Variants in SLC44A5 observed in about 807,000 individuals in gnomAD.
SLC44A5 encodes choline transporter-like protein 5.
Under a neutral mutation model 101.8 loss-of-function variants are expected in SLC44A5, and 57 were observed. That is an observed-to-expected ratio of 0.56 (90% CI 0.45 to 0.70). The LOEUF is 0.70. SLC44A5 is among the 30% of genes least tolerant of loss of function. The pLI is 0.00. For missense variants in SLC44A5, 737 were observed against 853.1 expected (o/e 0.86, Z 1.70); for synonymous variants, 281 against 290.9 (o/e 0.97, Z 0.35).
intron 2 of SLC44A5, among the ~76,000 whole-genome samples, chr1:75,535,893 A>G (rs953520263): frequency 1.2e-4 from 18 of 152,126 alleles, no homozygotes; most frequent in Non-Finnish European, 2.5e-4. Context: ...TGGAAACCCT[A>G]TAAAACACTA....
At chr1:75,488,284 TC>T (rs1668258595) in intron 2 of SLC44A5, among the ~76,000 whole-genome samples, 1 of 152,110 alleles carries the variant, frequency 6.6e-6, no homozygotes, top group Non-Finnish European at 1.5e-5. Flanking sequence ...AAGAAACCAG[TC>T]CCTGGTACCA....
chr1:75,481,607 C>T (rs1667861532), intron 2 of SLC44A5, among the ~76,000 whole-genome samples: 1 of 151,936 alleles, frequency 6.6e-6, no homozygotes, highest in Admixed American at 6.6e-5. Context: ...CATGAACAGA[C>T]ACTTCTCAAA....
intron 2 of SLC44A5, among the ~76,000 whole-genome samples, chr1:75,474,194 C>T (rs1434029214): frequency 6.6e-6 from 1 of 152,166 alleles, no homozygotes; most frequent in East Asian, 1.9e-4. Flanking sequence ...AAAGAAGGAA[C>T]TTCTAAGAAT....
chr1:75,433,052 C>T (rs965086832), intron 2 of SLC44A5, among the ~76,000 whole-genome samples: 1 of 152,064 alleles, frequency 6.6e-6, no homozygotes, highest in African/African-American at 2.4e-5. Context: ...TCTCCCTCTG[C>T]ACTGCCTCTT....
At chr1:75,717,397 A>G in the SLC44A5 span, among the ~76,000 whole-genome samples, 1 of 151,974 alleles carries the variant, frequency 6.6e-6, no homozygotes, top group South Asian at 2.1e-4. Context: ...ACTCATAAGT[A>G]GGATCTGAAC....
intron 3 of SLC44A5, among the ~76,000 whole-genome samples, chr1:75,359,278 A>G (rs1659315920): frequency 7.5e-6 from 1 of 133,528 alleles, no homozygotes. Flanking sequence ...TCTGTCACTC[A>G]GGCTGGAGTA....
chr1:75,282,261 GC>G (rs1652666242), intron 5 of SLC44A5, among the ~76,000 whole-genome samples: 1 of 152,220 alleles, frequency 6.6e-6, no homozygotes, highest in Non-Finnish European at 1.5e-5. Context: ...CTTGCATGGG[GC>G]CTATAGCCCC....
intron 1 of SLC44A5, among the ~76,000 whole-genome samples, chr1:75,547,551 G>A (rs1190220528): frequency 6.6e-6 from 1 of 152,206 alleles, no homozygotes; most frequent in Non-Finnish European, 1.5e-5. Flanking sequence ...TCCTGGTCAA[G>A]AGAGAACATC....
At chr1:75,437,721 C>G (rs1005048107) in intron 2 of SLC44A5, among the ~76,000 whole-genome samples, 2 of 152,106 alleles carry the variant, frequency 1.3e-5, no homozygotes, top group African/African-American at 2.4e-5. Flanking sequence ...AGCATCATCT[C>G]CAACACTCTC....
At chr1:75,257,015 C>T (rs980828736) in intron 6 of SLC44A5, among the ~76,000 whole-genome samples, 1 of 151,966 alleles carries the variant, frequency 6.6e-6, no homozygotes, top group Non-Finnish European at 1.5e-5. Flanking sequence ...AAACCAACTG[C>T]CAGAAGAACT....
chr1:75,405,054 C>T (rs927571852), intron 2 of SLC44A5, among the ~76,000 whole-genome samples: 3 of 152,176 alleles, frequency 2.0e-5, no homozygotes, highest in African/African-American at 7.2e-5. Context: ...ATCCTACTCT[C>T]TGATAAAACA....
Position 75,242,052 on chromosome 1 carries a change from G to A in SLC44A5, c.481C>T (p.Gln161Ter). Residue 161 changes from glutamine (Q) to a stop codon, truncating the protein, a stop_gained, in exon 9 of 24, where the codon CAG becomes TAG. Coordinates refer to ENST00000370859, the MANE Select transcript of SLC44A5 (RefSeq NM_001130058.2). LOFTEE classifies it high-confidence loss of function. The part of the protein sequence containing the change: ...TTAKPVKSLT[Q>*]LLLDDDCPTA... Reference sequence around the variant, plus strand: ...GGACAATCATCATCCAGTAAAAGCTGTGTGAGAGACTAAAATAGAAGGAAG... The same window carrying A: ...GGACAATCATCATCCAGTAAAAGCTATGTGAGAGACTAAAATAGAAGGAAG... 6.2e-7 allele frequency: 1 copy of A among 1,611,946 alleles called. No homozygotes were observed. Among genetic ancestry groups the A allele is most frequent in the East Asian group, 2.2e-5 (1 of 44,798 alleles).
intron 2 of SLC44A5, among the ~76,000 whole-genome samples, chr1:75,537,802 C>T (rs1170568501): frequency 6.6e-6 from 1 of 151,998 alleles, no homozygotes; most frequent in African/African-American, 2.4e-5. Flanking sequence ...TTCTTTCATT[C>T]TTTTTTTTCA....
intron 1 of SLC44A5, chr1:75,582,516 C>T (rs1673754894): frequency 1.8e-6 from 1 of 566,712 alleles, no homozygotes; most frequent in Non-Finnish European, 3.1e-6. Flanking sequence ...TCAATTCCAG[C>T]TCAGGCTCCC....
chr1:75,528,951 A>G (rs1301127427), intron 2 of SLC44A5, among the ~76,000 whole-genome samples: 1 of 152,176 alleles, frequency 6.6e-6, no homozygotes, highest in East Asian at 1.9e-4. Flanking sequence ...AGTAAAAATT[A>G]AGCAACTCGC....
intron 2 of SLC44A5, among the ~76,000 whole-genome samples, chr1:75,520,369 A>G (rs546736354): frequency 2.0e-5 from 3 of 152,152 alleles, no homozygotes; most frequent in African/African-American, 7.2e-5. Context: ...CCAATCCCAA[A>G]CTCACTTAAA....
At chr1:75,317,712 A>G (rs376130941) in intron 4 of SLC44A5, among the ~76,000 whole-genome samples, 119 of 152,230 alleles carry the variant, frequency 7.8e-4, no homozygotes, top group African/African-American at 2.7e-3. Context: ...CTGCATGGTC[A>G]GGTTCTGGTG....
intron 2 of SLC44A5, among the ~76,000 whole-genome samples, chr1:75,478,347 A>C (rs1292285672): frequency 6.6e-6 from 1 of 152,242 alleles, no homozygotes; most frequent in Non-Finnish European, 1.5e-5. Context: ...GCATGAACTA[A>C]CGAGCAAAAT....
chr1:75,256,727 G>C (rs531029986), intron 6 of SLC44A5, among the ~76,000 whole-genome samples: 62 of 152,152 alleles, frequency 4.1e-4, no homozygotes, highest in African/African-American at 1.4e-3. Context: ...TGGACAGAAG[G>C]GTAGGGGTGA....
Sources: allele counts gnomAD v4.1 joint callset (sites outside exome capture counted in the v4.1 genomes callset), GRCh38; gene constraint gnomAD v4.1.1; transcripts MANE v1.5; gene names NCBI Gene and HGNC (gene_info 2026-07-23, HGNC 2026-07-21).